The following CACNA1C variants were observed in gnomAD, a reference collection of about 807,000 sequenced individuals.
CACNA1C encodes calcium voltage-gated channel subunit alpha1 C.
A neutral mutation model predicts 229.0 loss-of-function variants in CACNA1C; 30 were observed. The observed-to-expected ratio is 0.13, with a 90% CI of 0.10 to 0.18. CACNA1C has a LOEUF of 0.18. Among genes scored for constraint, CACNA1C ranks in the 10% least tolerant of loss-of-function variants. The pLI is 1.00. For synonymous variants in CACNA1C, 1,114 were observed against 1,132.5 expected, an observed-to-expected ratio of 0.98 and a Z score of 0.33; for missense variants, 1,658 against 2,845.0, an observed-to-expected ratio of 0.58 and a Z score of 9.49.
intron 4 of CACNA1C, among the ~76,000 whole-genome samples, chr12:2,452,458 C>T (rs557419225): frequency 3.9e-5 from 6 of 152,288 alleles, no homozygotes; most frequent in African/African-American, 1.4e-4. Context: ...CTGGGCCTCA[C>T]GATCATTCCA....
chr12:2,246,743 A>C lies in CACNA1C; in HGVS notation c.477+126313A>C, dbSNP rs557265316. On this transcript the variant is annotated intron_variant, in intron 3 of 46. Transcript: ENST00000399655. ...TGTTCTTTTATAGGTCCCAGCAAGG[A>C]AGCTTTTCTCCTGGTCCACACCGCT... 8.6e-4 allele frequency among the ~76,000 whole-genome samples: 131 copies of C among 152,274 alleles called. 1 individual carries two copies. The highest frequency in any genetic ancestry group is 2.9e-3 in the African/African-American group (120 of 41,556).
At chr12:2,218,283 A>G (rs958808923) in intron 3 of CACNA1C, among the ~76,000 whole-genome samples, 1 of 152,216 alleles carries the variant, frequency 6.6e-6, no homozygotes, top group Non-Finnish European at 1.5e-5. Flanking sequence ...CATCAACAAC[A>G]TGCAACAATA....
rs141539866 is a variant in CACNA1C at position 2,261,744 on chromosome 12, A to AACAC, written c.477+141328_477+141331dup. On this transcript the variant is annotated intron_variant, in intron 3 of 46. Coordinates refer to ENST00000399655, the MANE Select transcript of CACNA1C (RefSeq NM_000719.7). ...CCAAGCTCTAGAAGGGTCCTTGTGCAACACACACACACACACAACAGGTGC... is the reference window on the plus strand; with the variant it reads ...CCAAGCTCTAGAAGGGTCCTTGTGCAACACACACACACACACACACAACAGGTGC... Among the ~76,000 whole-genome samples the AACAC allele has an allele frequency of 1.7e-3, 263 of 151,552 alleles. 2 individuals are homozygous for AACAC. Among genetic ancestry groups the AACAC allele is most frequent in the African/African-American group, 6.0e-3 (248 of 41,410 alleles).
chr12:2,191,964 TCA>T (rs1212870354), intron 3 of CACNA1C, among the ~76,000 whole-genome samples: 7 of 151,152 alleles, frequency 4.6e-5, no homozygotes, highest in South Asian at 2.1e-4. Context: ...ACACATGTAC[TCA>T]CAGGCACACG....
At chr12:2,528,093 A>G (rs1464814728) in intron 9 of CACNA1C, among the ~76,000 whole-genome samples, 1 of 152,184 alleles carries the variant, frequency 6.6e-6, no homozygotes, top group Non-Finnish European at 1.5e-5. Context: ...AATGACCCTC[A>G]TGTTCCTCTC....
intron 3 of CACNA1C, among the ~76,000 whole-genome samples, chr12:2,124,481 T>A (rs1452387731): frequency 1.3e-5 from 2 of 152,072 alleles, no homozygotes; most frequent in African/African-American, 4.8e-5. Flanking sequence ...AAGAGCCAGG[T>A]GATGGGGGCT....
At chr12:2,379,888 G>A (rs1449608322) in intron 3 of CACNA1C, among the ~76,000 whole-genome samples, 13 of 150,358 alleles carry the variant, frequency 8.6e-5, no homozygotes, top group Admixed American at 2.0e-4. Flanking sequence ...AAAATTAGCC[G>A]GGCGTAGTGG....
At chr12:2,687,317 C>T (rs559974857) in intron 45 of CACNA1C, among the ~76,000 whole-genome samples, 22 of 152,304 alleles carry the variant, frequency 1.4e-4, no homozygotes, top group Non-Finnish European at 2.1e-4. Context: ...CTGGTAGGCA[C>T]GAAACTCTCC....
chr12:2,560,512 T>C (rs1461412045), intron 11 of CACNA1C, among the ~76,000 whole-genome samples: 1 of 152,252 alleles, frequency 6.6e-6, no homozygotes, highest in African/African-American at 2.4e-5. Context: ...TTGTGACATT[T>C]GGAGCTCACT....
chr12:2,242,357 G>A (rs534026934), intron 3 of CACNA1C, among the ~76,000 whole-genome samples: 2 of 152,336 alleles, frequency 1.3e-5, no homozygotes, highest in African/African-American at 4.8e-5. Context: ...CTGACACTTG[G>A]CCTCCGTGCT....
intron 3 of CACNA1C, among the ~76,000 whole-genome samples, chr12:2,428,449 T>C (rs1027428227): frequency 1.3e-5 from 2 of 152,196 alleles, no homozygotes; most frequent in Non-Finnish European, 2.9e-5. Context: ...ACCTGGTATT[T>C]AGTTCTATTT....
At chr12:2,259,192 A>G (rs796596108) in intron 3 of CACNA1C, among the ~76,000 whole-genome samples, 1 of 152,186 alleles carries the variant, frequency 6.6e-6, no homozygotes, top group South Asian at 2.1e-4. Context: ...CTGGGAACCT[A>G]CTAGAAGTGC....
Position 2,516,666 on chromosome 12 carries a change from G to C in CACNA1C, c.1390+3682G>C, listed in dbSNP as rs114812249. On this transcript the variant is annotated intron_variant, in intron 9 of 46. Transcript: ENST00000399655. ...TCCAAGGCAATTGTCCTAAACGATGGCAAGAGGGGAATTGTCATTTATGGA... is the reference window on the plus strand; with the variant it reads ...TCCAAGGCAATTGTCCTAAACGATGCCAAGAGGGGAATTGTCATTTATGGA... Among the ~76,000 whole-genome samples, 373 of 152,298 alleles carry C rather than the reference G, an allele frequency of 2.4e-3. 5 individuals are homozygous for C. The highest frequency in any genetic ancestry group is 8.2e-3 in the African/African-American group (342 of 41,556).
intron 9 of CACNA1C, among the ~76,000 whole-genome samples, chr12:2,522,383 G>C (rs949866835): frequency 6.6e-6 from 1 of 152,158 alleles, no homozygotes; most frequent in South Asian, 2.1e-4. Flanking sequence ...TCGGATCAGA[G>C]AATTAAGGTC....
chr12:2,139,220 T>C (rs1166234416), intron 3 of CACNA1C, among the ~76,000 whole-genome samples: 1 of 150,776 alleles, frequency 6.6e-6, no homozygotes, highest in Non-Finnish European at 1.5e-5. Context: ...TCCCTTGGCT[T>C]CTAGGTGCCT....
intron 9 of CACNA1C, among the ~76,000 whole-genome samples, chr12:2,523,972 C>T (rs2099814373): frequency 1.3e-5 from 2 of 152,216 alleles, no homozygotes; most frequent in South Asian, 4.1e-4. Context: ...CTGTCAGAGG[C>T]TATCAGTGGA....
At chr12:1,976,658 C>T (rs984019495) in intron 1 of CACNA1C, among the ~76,000 whole-genome samples, 2 of 152,026 alleles carry the variant, frequency 1.3e-5, no homozygotes, top group African/African-American at 4.8e-5. Flanking sequence ...TATTTTTAGC[C>T]ATATAGTTAC....
intron 1 of CACNA1C, among the ~76,000 whole-genome samples, chr12:1,974,434 C>T (rs2033635450): frequency 6.6e-6 from 1 of 152,142 alleles, no homozygotes. Context: ...CTCCCGAAGA[C>T]TGTATATTTC....
chr12:2,423,498 G>C (rs966356067), intron 3 of CACNA1C, among the ~76,000 whole-genome samples: 1 of 152,112 alleles, frequency 6.6e-6, no homozygotes, highest in Non-Finnish European at 1.5e-5. Context: ...ATGATGTTTC[G>C]AGGATTAAAT....
Sources: allele counts gnomAD v4.1 joint callset (sites outside exome capture counted in the v4.1 genomes callset), GRCh38; gene constraint gnomAD v4.1.1; transcripts MANE v1.5; gene names NCBI Gene and HGNC (gene_info 2026-07-23, HGNC 2026-07-21).